The following GPC3 variants were observed in gnomAD, a reference collection of about 807,000 sequenced individuals.
GPC3 encodes the protein glypican 3.
GPC3 carries 3 observed loss-of-function variants against 34.4 expected under a neutral mutation model. The ratio of observed to expected loss-of-function variants is 0.09; its 90% confidence interval spans 0.04 to 0.23. The LOEUF is 0.23. Ranked by LOEUF, GPC3 falls within the 10% of genes least tolerant of loss-of-function variation. The pLI is 1.00. For synonymous variants in GPC3, 177 were observed against 174.0 expected (o/e 1.02, Z -0.13); for missense variants, 351 against 445.6 (o/e 0.79, Z 1.91).
At chrX:133,667,987 C>T (rs1390691278) in intron 5 of GPC3, among the ~76,000 whole-genome samples, 1 of 108,766 alleles carries the variant, frequency 9.2e-6, no homozygotes. Context: ...CTGCAACCTC[C>T]GCCTCCTGGG....
At chrX:133,698,870 T>A (rs1436833209) in intron 4 of GPC3, among the ~76,000 whole-genome samples, 1 of 111,662 alleles carries the variant, frequency 9.0e-6, no homozygotes, top group African/African-American at 3.3e-5. Context: ...TTTGAGGGAG[T>A]TAAATAAAAT....
intron 2 of GPC3, among the ~76,000 whole-genome samples, chrX:133,836,295 T>A (rs1185591164): frequency 8.8e-6 from 1 of 113,167 alleles, no homozygotes; most frequent in African/African-American, 3.2e-5. Flanking sequence ...TTTTTGTTAA[T>A]TTCAGATTGT....
At chrX:133,658,880 A>G (rs2070692883) in intron 6 of GPC3, among the ~76,000 whole-genome samples, 1 of 109,363 alleles carries the variant, frequency 9.1e-6, no homozygotes, top group African/African-American at 3.5e-5. Flanking sequence ...AAGTTAGAGG[A>G]GAGGAAAAGA....
chrX:133,970,807 A>G (rs1398244279), intron 1 of GPC3, among the ~76,000 whole-genome samples: 1 of 111,927 alleles, frequency 8.9e-6, no homozygotes, highest in Non-Finnish European at 1.9e-5. Flanking sequence ...ATATTTATAC[A>G]TAAGTGCATA....
chrX:133,805,129 A>G (rs1227191417), intron 2 of GPC3, among the ~76,000 whole-genome samples: 1 of 112,294 alleles, frequency 8.9e-6, no homozygotes, highest in African/African-American at 3.2e-5. Flanking sequence ...ATGAGAACAG[A>G]AGTGAAGTAG....
chrX:133,907,571 TATATC>T (rs747590583), intron 2 of GPC3, among the ~76,000 whole-genome samples: 1 of 112,186 alleles, frequency 8.9e-6, no homozygotes, highest in African/African-American at 3.2e-5. Flanking sequence ...TTCACACAGT[TATATC>T]ATACTATATA....
intron 2 of GPC3, among the ~76,000 whole-genome samples, chrX:133,805,426 A>G (rs2075631272): frequency 8.9e-6 from 1 of 111,924 alleles, no homozygotes; most frequent in Non-Finnish European, 1.9e-5. Context: ...GTGGAATATG[A>G]GGTCAAGTTC....
chrX:133,917,841 G>T (rs1230651488), intron 2 of GPC3, among the ~76,000 whole-genome samples: 1 of 111,695 alleles, frequency 9.0e-6, no homozygotes, highest in African/African-American at 3.2e-5. Flanking sequence ...ATTGAAAAAT[G>T]TGATGGTATT....
intron 2 of GPC3, among the ~76,000 whole-genome samples, chrX:133,795,943 C>CTTTT (rs753300332): frequency 4.7e-5 from 4 of 84,932 alleles, no homozygotes; most frequent in Non-Finnish European, 6.9e-5. Context: ...TTTCTTTTTC[C>CTTTT]TTTTTTTTTT....
intron 2 of GPC3, among the ~76,000 whole-genome samples, chrX:133,845,349 A>C (rs886607415): frequency 2.7e-5 from 3 of 111,810 alleles, no homozygotes; most frequent in African/African-American, 6.5e-5. Flanking sequence ...GAGGACAGAA[A>C]ATGGGGGTTT....
intron 2 of GPC3, among the ~76,000 whole-genome samples, chrX:133,919,319 C>T (rs779556423): frequency 8.9e-6 from 1 of 111,968 alleles, no homozygotes; most frequent in African/African-American, 3.2e-5. Context: ...TTCACAACCC[C>T]TTCCCTTCGG....
chrX:133,814,565 GTTA>G (rs1349361462), intron 2 of GPC3, among the ~76,000 whole-genome samples: 2 of 108,882 alleles, frequency 1.8e-5, no homozygotes. Flanking sequence ...AATTTTTATT[GTTA>G]TTATTATTAT....
At chrX:133,744,602 G>A (rs988943098) in intron 3 of GPC3, among the ~76,000 whole-genome samples, 1 of 112,299 alleles carries the variant, frequency 8.9e-6, no homozygotes, top group Non-Finnish European at 1.9e-5. Context: ...AAGACAGTGT[G>A]GCGATTCCTC....
At chrX:133,804,011 CAG>C (rs1556311415) in intron 2 of GPC3, among the ~76,000 whole-genome samples, 1 of 95,786 alleles carries the variant, frequency 1.0e-5, no homozygotes, top group East Asian at 3.2e-4. Context: ...CACACACACA[CAG>C]ACACACAAAT....
chrX:133,749,605 C>A lies in GPC3; in HGVS notation c.1032+3877G>T, dbSNP rs183142862. Among the ~76,000 whole-genome samples the A allele has an allele frequency of 5.0e-3, 555 of 111,711 alleles. 5 individuals carry two copies. The highest frequency in any genetic ancestry group is 0.017 in the African/African-American group (526 of 30,751). On this transcript the variant is annotated intron_variant, in intron 3 of 7. Transcript: ENST00000370818. ...TCATAATCTGGGTAGATGACAGCCACAAAAACAACTAGGCAAAGTCTCTGT... is the reference window on the plus strand; with the variant it reads ...TCATAATCTGGGTAGATGACAGCCAAAAAAACAACTAGGCAAAGTCTCTGT...
At chrX:133,574,004 C>A (rs1448099489) in intron 7 of GPC3, among the ~76,000 whole-genome samples, 1 of 112,361 alleles carries the variant, frequency 8.9e-6, no homozygotes, top group African/African-American at 3.2e-5. Context: ...CAATGAACTA[C>A]TGATACATAT....
At chrX:133,833,472 T>C (rs1296683967) in intron 2 of GPC3, among the ~76,000 whole-genome samples, 1 of 111,554 alleles carries the variant, frequency 9.0e-6, no homozygotes, top group Admixed American at 9.6e-5. Context: ...TGCCTATTCA[T>C]TCAACAAACA....
At chrX:133,704,224 C>A in intron 3 of GPC3, 1 of 1,103,830 alleles carries the variant, frequency 9.1e-7, no homozygotes, top group Non-Finnish European at 1.2e-6. Flanking sequence ...TAGCCCTATA[C>A]ACAGGAAGAA....
At chrX:133,906,098 G>A (rs2076166558) in intron 2 of GPC3, among the ~76,000 whole-genome samples, 1 of 111,721 alleles carries the variant, frequency 9.0e-6, no homozygotes, top group Non-Finnish European at 1.9e-5. Flanking sequence ...ATCTATTCTG[G>A]CTGTACCCCT....
Sources: gnomAD v4.1 joint callset for allele counts (sites outside exome capture counted in the v4.1 genomes callset) on GRCh38, gnomAD v4.1.1 for gene constraint, MANE v1.5 for transcripts, NCBI Gene and HGNC (gene_info 2026-07-23, HGNC 2026-07-21) for gene names.